BICC1: variants seen among roughly 807,000 people sequenced by gnomAD.
The protein encoded by BICC1 is BicC family RNA binding protein 1.
In BICC1, 43 loss-of-function variants were observed where a neutral mutation model predicts 111.0. The observed-to-expected ratio is 0.39, with a 90% CI of 0.30 to 0.50. BICC1 has a LOEUF of 0.50. Ranked by LOEUF, BICC1 falls within the 20% of genes least tolerant of loss-of-function variation. The probability of loss-of-function intolerance (pLI) is 0.88; values close to 1 mark genes in which losing one functional copy is unlikely to be tolerated. For missense variants in BICC1, 1,091 were observed against 1,203.2 expected, an observed-to-expected ratio of 0.91 and a Z score of 1.38; for synonymous variants, 467 against 434.4, an observed-to-expected ratio of 1.07 and a Z score of -0.93.
Position 58,668,990 on chromosome 10 carries a change from C to T in BICC1, c.238-33084C>T, listed in dbSNP as rs370682529. Among the ~76,000 whole-genome samples, 15 of 152,008 alleles carry T rather than the reference C, an allele frequency of 9.9e-5. No individual in the cohort carries two copies. The South Asian group carries it at 3.1e-3, about 32-fold the overall frequency. ...GTAAAAAGTTTTTGAGCAGTTAAAG[C>T]CCATGTTTTTACTGTAGTTTGTATA... On this transcript the variant is annotated intron_variant, in intron 2 of 20. Coordinates refer to ENST00000373886, the MANE Select transcript of BICC1 (RefSeq NM_001080512.3).
intron 1 of BICC1, among the ~76,000 whole-genome samples, chr10:58,532,604 A>G (rs1435918017): frequency 6.6e-6 from 1 of 151,866 alleles, no homozygotes; most frequent in Non-Finnish European, 1.5e-5. Flanking sequence ...GCAGCAGACC[A>G]TCCACATCAA....
At chr10:58,649,056 C>T (rs999497757) in intron 2 of BICC1, among the ~76,000 whole-genome samples, 8 of 152,156 alleles carry the variant, frequency 5.3e-5, no homozygotes, top group Non-Finnish European at 1.0e-4. Context: ...AACACCTTCT[C>T]CCCAATAAGA....
intron 12 of BICC1, among the ~76,000 whole-genome samples, chr10:58,799,583 C>T (rs903935564): frequency 6.6e-6 from 1 of 152,010 alleles, no homozygotes; most frequent in Non-Finnish European, 1.5e-5. Context: ...GTTTTCCCAG[C>T]GCCAGTTATT....
chr10:58,674,242 A>G (rs571349722), intron 2 of BICC1, among the ~76,000 whole-genome samples: 2 of 109,814 alleles, frequency 1.8e-5, no homozygotes, highest in South Asian at 7.8e-4. Flanking sequence ...ACCACTCTTT[A>G]TTATTTCCCT....
intron 1 of BICC1, among the ~76,000 whole-genome samples, chr10:58,560,712 C>G (rs1452106977): frequency 6.6e-6 from 1 of 151,944 alleles, no homozygotes; most frequent in African/African-American, 2.4e-5. Context: ...TTTCTTAGTT[C>G]AGCTTTTGCT....
intron 3 of BICC1, among the ~76,000 whole-genome samples, chr10:58,756,042 G>T (rs1193034327): frequency 6.6e-6 from 1 of 151,818 alleles, no homozygotes; most frequent in Non-Finnish European, 1.5e-5. Flanking sequence ...TTATACATTT[G>T]CCTCTTCTTA....
intron 17 of BICC1, among the ~76,000 whole-genome samples, chr10:58,813,349 G>A (rs1454540958): frequency 1.3e-5 from 2 of 152,036 alleles, no homozygotes; most frequent in Non-Finnish European, 2.9e-5. Flanking sequence ...TTTAGGGGAG[G>A]GTAACACAGG....
chr10:58,819,961 T>C (rs1844207062), intron 19 of BICC1, among the ~76,000 whole-genome samples: 1 of 152,176 alleles, frequency 6.6e-6, no homozygotes, highest in Non-Finnish European at 1.5e-5. Flanking sequence ...ATCCTTTCAA[T>C]CCTGTGTTGA....
Position 58,586,486 on chromosome 10 carries a change from A to AG in BICC1, c.191-34368dup, listed in dbSNP as rs1589120587. ...CATGCAGAGTACTTCCTGTAATACC[A>AG]GCTACTCGGGTGGCTGAGGCACGAG... On this transcript the variant is annotated intron_variant, in intron 1 of 20. Transcript: ENST00000373886. Among the ~76,000 whole-genome samples the AG allele has an allele frequency of 2.7e-5, 4 of 146,984 alleles. No homozygotes were observed. The East Asian group carries it at 8.6e-4, about 31-fold the overall frequency.
intron 2 of BICC1, among the ~76,000 whole-genome samples, chr10:58,694,287 A>G (rs1840005024): frequency 6.6e-6 from 1 of 152,216 alleles, no homozygotes; most frequent in Non-Finnish European, 1.5e-5. Context: ...ACAAGGAGTC[A>G]TCATGACTAC....
chr10:58,570,530 C>G (rs926016686), intron 1 of BICC1, among the ~76,000 whole-genome samples: 5 of 152,126 alleles, frequency 3.3e-5, no homozygotes, highest in Admixed American at 3.3e-4. Context: ...TGAAGTGAAA[C>G]TATTCATAAC....
rs553575322 is a variant in BICC1 at position 58,824,012 on chromosome 10, G to T, written c.2794+3544G>T. ...TTTTGCTTGTAAAGATACCTTCCTT[G>T]CTTCTTCAGAGTGAAGCTGGGTTTT... On this transcript the variant is annotated intron_variant, in intron 20 of 20. Transcript: ENST00000373886. The T allele has an allele frequency of 3.0e-6, 3 of 985,140 alleles. No individual in the cohort carries two copies. In the South Asian group the frequency reaches 1.4e-4, roughly 46 times the overall value. 61.0% of individuals were successfully genotyped at this position (985,140 alleles called of 1,614,324 possible).
At chr10:58,536,615 A>G (rs949239132) in intron 1 of BICC1, among the ~76,000 whole-genome samples, 1 of 151,868 alleles carries the variant, frequency 6.6e-6, no homozygotes, top group African/African-American at 2.4e-5. Context: ...AAAAATCTGC[A>G]AGGTTACAAA....
chr10:58,778,688 G>A (rs1014013773), intron 3 of BICC1, among the ~76,000 whole-genome samples: 4 of 152,170 alleles, frequency 2.6e-5, no homozygotes, highest in Admixed American at 2.6e-4. Context: ...TCAAATCCAT[G>A]TTGTTCAAGG....
intron 1 of BICC1, among the ~76,000 whole-genome samples, chr10:58,529,229 G>T (rs1173394727): frequency 6.6e-6 from 1 of 151,868 alleles, no homozygotes; most frequent in African/African-American, 2.4e-5. Flanking sequence ...AACATGTCCA[G>T]CTATCAAGCT....
chr10:58,713,874 T>C (rs531399309), intron 3 of BICC1, among the ~76,000 whole-genome samples: 17 of 152,338 alleles, frequency 1.1e-4, no homozygotes, highest in Non-Finnish European at 4.4e-5. Flanking sequence ...CCTTTTCTCC[T>C]TTTTTGAGAT....
At chr10:58,758,931 ATATTTATTTATTTATTTATTTATT>A (rs141127868) in intron 3 of BICC1, among the ~76,000 whole-genome samples, 30 of 144,152 alleles carry the variant, frequency 2.1e-4, no homozygotes, top group Admixed American at 7.0e-4. Flanking sequence ...GATCATTAAA[ATATTTATTTATTTATTTATTTATT>A]TATTTATTTA....
At chr10:58,706,037 A>T (rs976778241) in intron 3 of BICC1, among the ~76,000 whole-genome samples, 4 of 152,206 alleles carry the variant, frequency 2.6e-5, no homozygotes, top group African/African-American at 9.6e-5. Context: ...TATCACGTAA[A>T]TTTATTTTGA....
At chr10:58,817,810 T>TG in intron 19 of BICC1, 88 bp downstream of exon 19, 1 of 1,314,630 alleles carries the variant, frequency 7.6e-7, no homozygotes, top group Non-Finnish European at 1.0e-6. Flanking sequence ...GACCTATGAG[T>TG]ATGCTTTCAC....
Sources: gnomAD v4.1 joint callset for allele counts (sites outside exome capture counted in the v4.1 genomes callset) on GRCh38, gnomAD v4.1.1 for gene constraint, MANE v1.5 for transcripts, NCBI Gene and HGNC (gene_info 2026-07-23, HGNC 2026-07-21) for gene names.